Variants in RUVBL1 observed in about 807,000 individuals in gnomAD.
RUVBL1 encodes ruvB-like 1.
RUVBL1 carries 4 observed loss-of-function variants against 52.4 expected under a neutral mutation model. The observed-to-expected ratio is 0.08, with a 90% CI of 0.04 to 0.17. The LOEUF is 0.17. Ranked by LOEUF, RUVBL1 falls within the 10% of genes least tolerant of loss-of-function variation. RUVBL1 has a pLI of 1.00. For missense variants in RUVBL1, 298 were observed against 572.8 expected (o/e 0.52, Z 4.90); for synonymous variants, 217 against 214.4 (o/e 1.01, Z -0.10).
chr3:128,152,195 A>C (rs1944229068), intron 1 of RUVBL1, among the ~76,000 whole-genome samples: 1 of 152,140 alleles, frequency 6.6e-6, no homozygotes, highest in Admixed American at 6.5e-5. Context: ...GGTTCTAGAC[A>C]CTTCAGAATC....
At chr3:128,118,886 A>C (rs1245383054) in intron 2 of RUVBL1, among the ~76,000 whole-genome samples, 1 of 152,198 alleles carries the variant, frequency 6.6e-6, no homozygotes, top group Non-Finnish European at 1.5e-5. Flanking sequence ...GATAAAAATC[A>C]TGTCTCTAAT....
chr3:128,084,818 G>C (rs1407388327), intron 9 of RUVBL1: 1 of 152,244 alleles, frequency 6.6e-6, no homozygotes, highest in African/African-American at 2.4e-5. Context: ...GTTATCGCCT[G>C]GGCCAGCGGG....
downstream of RUVBL1, among the ~76,000 whole-genome samples, chr3:128,076,291 A>C (rs1309658995): frequency 6.6e-6 from 1 of 152,002 alleles, no homozygotes; most frequent in Admixed American, 6.5e-5. This position sits in a 1 kb window ranked among gnomAD's most constrained non-coding sequence, Gnocchi z 6.8. Flanking sequence ...GTGCGCTGAG[A>C]GCGCTCAGGG....
intron 3 of RUVBL1, among the ~76,000 whole-genome samples, chr3:128,106,529 G>A (rs973935106): frequency 2.0e-5 from 3 of 151,848 alleles, no homozygotes; most frequent in African/African-American, 7.3e-5. Context: ...GTTTCCACTG[G>A]CACAGCAGCA....
chr3:128,124,829 C>G (rs1322509519), upstream of RUVBL1, among the ~76,000 whole-genome samples: 6 of 151,996 alleles, frequency 3.9e-5, no homozygotes, highest in African/African-American at 1.2e-4. Context: ...TGGCTGAATT[C>G]CAACAAATAG....
At position 128,082,943 on chromosome 3, in the gene RUVBL1, C is replaced by T; in HGVS notation, c.1120-369G>A. On this transcript the variant is annotated intron_variant, in intron 9 of 10. Coordinates refer to ENST00000322623, the MANE Select transcript of RUVBL1 (RefSeq NM_003707.3). This position sits in a 1 kb window ranked among gnomAD's most constrained non-coding sequence, Gnocchi z 4.7. ...TCTTCTAACCTACCCGGGGCTCCTG[C>T]AAGGGCTCTAACCTTCCTCTCCAGC... 5.6e-6 allele frequency: 1 copy of T among 177,096 alleles called. No homozygotes were observed. Among genetic ancestry groups the T allele is most frequent in the Non-Finnish European group, 1.2e-5 (1 of 82,514 alleles). 11.0% of individuals were successfully genotyped at this position (177,096 alleles called of 1,614,324 possible).
intron 9 of RUVBL1, among the ~76,000 whole-genome samples, chr3:128,087,106 G>A (rs1942665604): frequency 6.6e-6 from 1 of 152,252 alleles, no homozygotes; most frequent in African/African-American, 2.4e-5. Flanking sequence ...CTATTGCAAA[G>A]CCACAGACCT....
chr3:128,072,211 A>C (rs921430969), intron 9 of RUVBL1, among the ~76,000 whole-genome samples: 4 of 152,264 alleles, frequency 2.6e-5, no homozygotes, highest in African/African-American at 9.6e-5. Flanking sequence ...TTCTACACCA[A>C]GCCCCCAGTG....
intron 1 of RUVBL1, among the ~76,000 whole-genome samples, chr3:128,148,154 A>G (rs1322008784): frequency 6.6e-6 from 1 of 151,014 alleles, no homozygotes; most frequent in Non-Finnish European, 1.5e-5. Context: ...TCTGTTTTGT[A>G]TCTTGATTGT....
intron 8 of RUVBL1, 131 bp downstream of exon 8, chr3:128,097,169 A>G: frequency 2.2e-6 from 2 of 896,302 alleles, no homozygotes; most frequent in Non-Finnish European, 1.7e-6. Context: ...CACTTGGCAC[A>G]TTTTCCCTCA....
exon 1 of RUVBL1, chr3:128,153,860 C>A (rs1036832501): frequency 6.8e-6 from 10 of 1,465,478 alleles, no homozygotes; most frequent in Non-Finnish European, 8.0e-6. Flanking sequence ...GGCTCAGGGA[C>A]GCGGGCGGAG....
intron 9 of RUVBL1, among the ~76,000 whole-genome samples, chr3:128,075,510 C>T (rs1167661629): frequency 2.0e-5 from 3 of 152,202 alleles, no homozygotes; most frequent in Non-Finnish European, 4.4e-5. Context: ...CTCAGCCTTC[C>T]CCCACTGCTC....
In RUVBL1 at chr3:128,104,821, G is replaced by A. The variant is rs138874187; in HGVS notation, c.465C>T (p.Ser155=). The change falls in exon 4 of 11, where the codon AGC becomes AGT. Residue 155 remains serine, a synonymous_variant. Coordinates refer to ENST00000322623, the MANE Select transcript of RUVBL1 (RefSeq NM_003707.3). The part of the protein sequence containing the change: ...NPMGGYGKTI[S]HVIIGLKTAK... ...CTGTTTTGAGTCCTATGATCACATG[G>A]CTAATGGTTTTGCCATATCCTCCCA... 4.6e-5 allele frequency: 75 copies of A among 1,613,310 alleles called. No homozygotes were observed. The highest frequency in any genetic ancestry group is 6.7e-5 in the Admixed American group (4 of 59,998).
At chr3:128,150,928 A>ATATTCT (rs1559841690) in intron 1 of RUVBL1, among the ~76,000 whole-genome samples, 4 of 67,180 alleles carry the variant, frequency 6.0e-5, no homozygotes, top group Non-Finnish European at 7.5e-5. Flanking sequence ...TTATATATAT[A>ATATTCT]ATATATTCTA....
At position 128,098,870 on chromosome 3, in the gene RUVBL1, T is replaced by G. The variant is rs923205249; in HGVS notation, c.817+12A>C. On this transcript the variant is annotated intron_variant, in intron 7 of 10. Transcript: ENST00000322623. ...CCTGCCCCTTGCTCACAGGGCACACTGGTTCTCCTACCTGTGATTTCTGTC... is the reference window on the plus strand; with the variant it reads ...CCTGCCCCTTGCTCACAGGGCACACGGGTTCTCCTACCTGTGATTTCTGTC... 18 of 1,613,208 alleles carry G rather than the reference T, an allele frequency of 1.1e-5. No individual in the cohort carries two copies. The African/African-American group carries it at 2.4e-4, about 22-fold the overall frequency.
intron 3 of RUVBL1, among the ~76,000 whole-genome samples, chr3:128,110,769 G>A (rs1370742398): frequency 6.6e-6 from 1 of 152,066 alleles, no homozygotes; most frequent in African/African-American, 2.4e-5. Flanking sequence ...CTTCAAGGAG[G>A]CAGAAATGAG....
chr3:128,096,828 A>C (rs113612001), intron 8 of RUVBL1, among the ~76,000 whole-genome samples: 282 of 145,586 alleles, frequency 1.9e-3, no homozygotes, highest in East Asian at 7.8e-3. Flanking sequence ...CTCTGTCCCC[A>C]AAAAAAAAAA....
downstream of RUVBL1, among the ~76,000 whole-genome samples, chr3:128,076,720 C>T (rs1942338232): frequency 6.6e-6 from 1 of 152,002 alleles, no homozygotes; most frequent in Admixed American, 6.5e-5. This position sits in a 1 kb window ranked among gnomAD's most constrained non-coding sequence, Gnocchi z 6.8. Flanking sequence ...CACGCGCGCG[C>T]GCAGCCCCGT....
At position 128,099,917 on chromosome 3, in the gene RUVBL1, C is replaced by A. The variant is rs970524069; in HGVS notation, c.753+678G>T. On this transcript the variant is annotated intron_variant, in intron 6 of 10. Transcript: ENST00000322623. ...AGCACTCTTCTCAGGTCAAGGGCTC[C>A]CAGGAGGTCAGTTTGGGGATGGCCA... 1.4e-3 allele frequency among the ~76,000 whole-genome samples: 220 copies of A among 152,220 alleles called. 1 individual carries two copies. The highest frequency in any genetic ancestry group is 5.1e-3 in the African/African-American group (211 of 41,530).
Sources: gnomAD v4.1 joint callset for allele counts (sites outside exome capture counted in the v4.1 genomes callset) on GRCh38, gnomAD v4.1.1 for gene constraint, Gnocchi (gnomAD v3.1) non-coding constraint, MANE v1.5 for transcripts, NCBI Gene and HGNC (gene_info 2026-07-23, HGNC 2026-07-21) for gene names.